TMPRSS15: variants seen among roughly 807,000 people sequenced by gnomAD.
The protein encoded by TMPRSS15 is transmembrane serine protease 15, also known as enteropeptidase.
TMPRSS15 carries 128 observed loss-of-function variants against 125.3 expected under a neutral mutation model. The observed-to-expected ratio is 1.02, with a 90% confidence interval of 0.89 to 1.18. TMPRSS15 has a LOEUF of 1.18. Among genes scored for constraint, TMPRSS15 ranks in the 50% most tolerant of loss-of-function variants. The pLI is 0.00. For synonymous variants in TMPRSS15, 446 were observed against 423.2 expected (o/e 1.05, Z -0.66); for missense variants, 1,283 against 1,212.7 (o/e 1.06, Z -0.86).
At chr21:18,368,131 G>A (rs1486951529) in intron 6 of TMPRSS15, among the ~76,000 whole-genome samples, 1 of 152,228 alleles carries the variant, frequency 6.6e-6, no homozygotes, top group East Asian at 1.9e-4. Context: ...AACAAAACAA[G>A]ATCCCTTTAA....
intron 10 of TMPRSS15, among the ~76,000 whole-genome samples, chr21:18,349,544 A>G (rs1298801871): frequency 6.6e-6 from 1 of 152,202 alleles, no homozygotes; most frequent in South Asian, 2.1e-4. Flanking sequence ...GGATAAGAGG[A>G]ACATCCAGAA....
chr21:18,386,493 T>C lies in TMPRSS15; in HGVS notation c.345-2715A>G, dbSNP rs1358915340. 2.0e-5 allele frequency among the ~76,000 whole-genome samples: 3 copies of C among 152,162 alleles called. No homozygotes were observed. In the East Asian group the frequency reaches 5.8e-4, roughly 29 times the overall value. Reference sequence around the variant, plus strand: ...ACAAATAGATGAAAAAAACAGCTGGTTGGATATTTTTGGGGAGAAGGGAAA... The same window carrying C: ...ACAAATAGATGAAAAAAACAGCTGGCTGGATATTTTTGGGGAGAAGGGAAA... On this transcript the variant is annotated intron_variant, in intron 3 of 24. Transcript: ENST00000284885.
At chr21:18,360,792 A>AT (rs954321517) in intron 7 of TMPRSS15, among the ~76,000 whole-genome samples, 1 of 151,324 alleles carries the variant, frequency 6.6e-6, no homozygotes, top group South Asian at 2.1e-4. Flanking sequence ...ACATTTTTGG[A>AT]TTTTTTTTCT....
At chr21:18,461,694 A>G (rs1479574257) in intron 1 of TMPRSS15, among the ~76,000 whole-genome samples, 2 of 152,128 alleles carry the variant, frequency 1.3e-5, no homozygotes, top group Non-Finnish European at 2.9e-5. Context: ...TTCTTTGTAC[A>G]ATAATGTTTC....
At chr21:18,323,268 G>C (rs1405501693) in intron 16 of TMPRSS15, among the ~76,000 whole-genome samples, 1 of 152,148 alleles carries the variant, frequency 6.6e-6, no homozygotes, top group African/African-American at 2.4e-5. Flanking sequence ...CCTGAGACTA[G>C]GTAATTTATA....
intron 11 of TMPRSS15, 39 bp downstream of exon 11, chr21:18,343,916 T>C: frequency 6.4e-7 from 1 of 1,569,740 alleles, no homozygotes; most frequent in African/African-American, 1.4e-5. Context: ...ATGTTACCCA[T>C]TAAAAAAGAC....
intron 1 of TMPRSS15, among the ~76,000 whole-genome samples, chr21:18,417,645 C>T (rs930452288): frequency 3.9e-5 from 6 of 152,118 alleles, no homozygotes; most frequent in African/African-American, 1.4e-4. Flanking sequence ...AGAGCCTAAA[C>T]CCCTCAGAAG....
intron 15 of TMPRSS15, 120 bp from the exon 16 acceptor site, chr21:18,326,692 A>G: frequency 1.8e-6 from 2 of 1,101,636 alleles, no homozygotes; most frequent in Non-Finnish European, 2.7e-6. Flanking sequence ...GCTCGCTCAT[A>G]GAGCAGCCAC....
chr21:18,412,799 C>T (rs1252592398), intron 1 of TMPRSS15, among the ~76,000 whole-genome samples: 1 of 152,120 alleles, frequency 6.6e-6, no homozygotes. Context: ...ACCAGGAAGG[C>T]TGCATTATTA....
At chr21:18,423,357 G>T (rs1040649642) in intron 1 of TMPRSS15, among the ~76,000 whole-genome samples, 1 of 151,008 alleles carries the variant, frequency 6.6e-6, no homozygotes, top group African/African-American at 2.4e-5. Context: ...TTTGTTCTTT[G>T]CTTCTGTGTA....
chr21:18,293,380 G>C (rs955762519), intron 21 of TMPRSS15, among the ~76,000 whole-genome samples: 1 of 152,126 alleles, frequency 6.6e-6, no homozygotes, highest in Non-Finnish European at 1.5e-5. Flanking sequence ...CTGGATCCTG[G>C]CTACAGAGAG....
At chr21:18,317,475 A>T (rs984878670) in intron 16 of TMPRSS15, among the ~76,000 whole-genome samples, 2 of 152,082 alleles carry the variant, frequency 1.3e-5, no homozygotes, top group Non-Finnish European at 2.9e-5. Flanking sequence ...GGTGCTATCC[A>T]GCAAACCAAG....
chr21:18,302,793 C>A (rs908003424), intron 18 of TMPRSS15, among the ~76,000 whole-genome samples: 1 of 152,136 alleles, frequency 6.6e-6, no homozygotes, highest in Non-Finnish European at 1.5e-5. Context: ...AGAAGTGATA[C>A]TTCTAGGAGA....
intron 1 of TMPRSS15, among the ~76,000 whole-genome samples, chr21:18,399,318 C>T (rs1026122165): frequency 1.3e-5 from 2 of 152,060 alleles, no homozygotes; most frequent in Admixed American, 6.5e-5. Context: ...CTATATAATA[C>T]ATTGACACCA....
intron 1 of TMPRSS15, among the ~76,000 whole-genome samples, chr21:18,474,986 T>A (rs1237329307): frequency 6.6e-6 from 1 of 152,140 alleles, no homozygotes; most frequent in Non-Finnish European, 1.5e-5. Context: ...AGCTACGTGG[T>A]CTAGGAAGAT....
rs150413089 is a variant in TMPRSS15, at chr21:18,454,486, G to A, written c.10+31313C>T. On this transcript the variant is annotated intron_variant, in intron 1 of 7. Coordinates refer to the TMPRSS15 transcript ENST00000422787. Reference sequence around the variant, plus strand: ...GCAAATACAAAGGCTGAGAAGTCCCGTGATATGCCAGTGAGCAAACTGGAG... The same window carrying A: ...GCAAATACAAAGGCTGAGAAGTCCCATGATATGCCAGTGAGCAAACTGGAG... Among the ~76,000 whole-genome samples, 16 of 152,210 alleles carry A rather than the reference G, an allele frequency of 1.1e-4. No individual in the cohort carries two copies. The East Asian group carries it at 2.3e-3, about 22-fold the overall frequency.
At chr21:18,436,412 G>A (rs1437907358) in intron 1 of TMPRSS15, among the ~76,000 whole-genome samples, 30 of 151,978 alleles carry the variant, frequency 2.0e-4, no homozygotes, top group Non-Finnish European at 3.8e-4. Flanking sequence ...TCAGGAGCAG[G>A]TTGTTCAGTT....
chr21:18,419,220 CTTT>C (rs540004490), intron 1 of TMPRSS15, among the ~76,000 whole-genome samples: 8,401 of 108,040 alleles, frequency 0.078, 255 homozygotes, highest in African/African-American at 0.22. Flanking sequence ...GACATTTCCT[CTTT>C]TTTTTTTTTT....
At chr21:18,280,583 A>AC (rs1247153934) in intron 22 of TMPRSS15, among the ~76,000 whole-genome samples, 1,973 of 141,440 alleles carry the variant, frequency 0.014, 108 homozygotes, top group African/African-American at 0.058. Flanking sequence ...CTCAAAAAAA[A>AC]AAAAAAAAAA....
Sources: allele counts gnomAD v4.1 joint callset (sites outside exome capture counted in the v4.1 genomes callset), GRCh38; gene constraint gnomAD v4.1.1; transcripts MANE v1.5; gene names NCBI Gene and HGNC (gene_info 2026-07-23, HGNC 2026-07-21).